Variants in ARHGEF9 observed in about 807,000 individuals in gnomAD.
ARHGEF9 encodes Cdc42 guanine nucleotide exchange factor 9, also known as rho guanine nucleotide exchange factor 9.
ARHGEF9 carries 2 observed loss-of-function variants against 41.3 expected under a neutral mutation model. That is an observed-to-expected ratio of 0.05 (90% CI 0.02 to 0.15). The LOEUF is 0.15. Among genes scored for constraint, ARHGEF9 ranks in the 10% least tolerant of loss-of-function variants. The pLI, the probability that ARHGEF9 is intolerant of heterozygous loss-of-function variation, is 1.00. For missense variants in ARHGEF9, 225 were observed against 424.7 expected, an observed-to-expected ratio of 0.53 and a Z score of 4.13; for synonymous variants, 160 against 154.4, an observed-to-expected ratio of 1.04 and a Z score of -0.27.
chrX:63,764,045 A>C (rs2056076570), intron 1 of ARHGEF9, among the ~76,000 whole-genome samples: 1 of 112,046 alleles, frequency 8.9e-6, no homozygotes. Flanking sequence ...TACAGAATGG[A>C]GGAACATTGT....
chrX:63,685,745 C>A (rs1318551164), intron 4 of ARHGEF9, among the ~76,000 whole-genome samples: 4 of 111,799 alleles, frequency 3.6e-5, no homozygotes, highest in Admixed American at 1.9e-4. Flanking sequence ...AATATCCATA[C>A]AGAAACCAAT....
intron 8 of ARHGEF9, among the ~76,000 whole-genome samples, chrX:63,645,734 G>T (rs1322631868): frequency 2.7e-5 from 3 of 111,856 alleles, no homozygotes. Context: ...AACCCTTTGG[G>T]TATATACCCA....
intron 5 of ARHGEF9, among the ~76,000 whole-genome samples, chrX:63,674,851 A>C (rs1418326830): frequency 9.0e-6 from 1 of 111,378 alleles, no homozygotes; most frequent in African/African-American, 3.3e-5. Flanking sequence ...GCTTGTAGTT[A>C]GAAAAGAAGT....
At chrX:63,646,827 G>A (rs1209526117) in intron 8 of ARHGEF9, among the ~76,000 whole-genome samples, 1 of 109,894 alleles carries the variant, frequency 9.1e-6, no homozygotes, top group African/African-American at 3.3e-5. Context: ...GGGCAGTATG[G>A]CCATTTTCAC....
At chrX:63,748,729 T>C (rs1344374908) in intron 1 of ARHGEF9, among the ~76,000 whole-genome samples, 1 of 111,886 alleles carries the variant, frequency 8.9e-6, no homozygotes, top group Non-Finnish European at 1.9e-5. Context: ...TCAGAATCTT[T>C]CAGATAGGGG....
chrX:63,744,821 T>G (rs1556431639), intron 1 of ARHGEF9, among the ~76,000 whole-genome samples: 1 of 112,313 alleles, frequency 8.9e-6, no homozygotes, highest in Non-Finnish European at 1.9e-5. Context: ...TTCAGCTGGT[T>G]GCATGCTCCA....
intron 1 of ARHGEF9, chrX:63,755,049 C>T (rs1556445484): frequency 2.1e-6 from 2 of 939,035 alleles, no homozygotes; most frequent in Non-Finnish European, 1.3e-6. Context: ...TGCTCGCTCT[C>T]TTCGCTGGGC....
chrX:63,720,038 G>T (rs1556412683), intron 2 of ARHGEF9, among the ~76,000 whole-genome samples: 1 of 111,307 alleles, frequency 9.0e-6, no homozygotes, highest in Non-Finnish European at 1.9e-5. Flanking sequence ...ACTATAACAC[G>T]CATGCCCAGG....
chrX:63,712,897 A>G (rs1464545649), intron 2 of ARHGEF9: 1 of 111,231 alleles, frequency 9.0e-6, no homozygotes, highest in Non-Finnish European at 1.9e-5. Context: ...GCATATTCCA[A>G]TAGACTCACC....
At chrX:63,704,121 G>A (rs1378857308) in intron 3 of ARHGEF9, among the ~76,000 whole-genome samples, 1 of 111,691 alleles carries the variant, frequency 9.0e-6, no homozygotes, top group Non-Finnish European at 1.9e-5. Flanking sequence ...GCCATTGGAA[G>A]GTTCTGAGCA....
At chrX:63,773,255 T>G (rs1345408973) in intron 1 of ARHGEF9, among the ~76,000 whole-genome samples, 3 of 112,296 alleles carry the variant, frequency 2.7e-5, no homozygotes, top group African/African-American at 9.7e-5. Context: ...TAGGACTGTT[T>G]GGTGTTTTCT....
At chrX:63,720,059 T>A (rs1347904780) in intron 2 of ARHGEF9, among the ~76,000 whole-genome samples, 1 of 111,325 alleles carries the variant, frequency 9.0e-6, no homozygotes, top group East Asian at 2.8e-4. Context: ...ACCAGATGCA[T>A]GCTCAGAAAA....
In ARHGEF9 at chrX:63,655,666, A is replaced by G. The variant is rs2048828709; in HGVS notation, c.1149T>C (p.Ile383=). ...IDMDKYEVVD[I]EDGRDDDFNV... is the part of the protein sequence containing the mutation. Reference sequence around the variant, plus strand: ...TGAAGTCATCATCTCTGCCATCCTCAATGTCAACTACCTCATATTTATCCA... The same window carrying G: ...TGAAGTCATCATCTCTGCCATCCTCGATGTCAACTACCTCATATTTATCCA... The change falls in exon 8 of 10, where the codon ATT becomes ATC. Residue 383 remains isoleucine (I), a synonymous_variant. Transcript: ENST00000671741. 1 of 1,210,700 alleles carries G rather than the reference A, an allele frequency of 8.3e-7. No homozygotes were observed. The highest frequency in any genetic ancestry group is 1.1e-6 in the Non-Finnish European group (1 of 895,062).
chrX:63,648,438 C>T (rs1426974532), intron 8 of ARHGEF9, among the ~76,000 whole-genome samples: 1 of 111,407 alleles, frequency 9.0e-6, no homozygotes, highest in Non-Finnish European at 1.9e-5. Context: ...CCTAAAAGAG[C>T]TCCTGAAGGA....
intron 1 of ARHGEF9, among the ~76,000 whole-genome samples, chrX:63,763,631 G>A (rs782106842): frequency 5.4e-5 from 6 of 110,595 alleles, no homozygotes; most frequent in African/African-American, 1.6e-4. Flanking sequence ...TAATGTCATC[G>A]AGCCTCACTT....
At position 63,674,095 on chromosome X, in the gene ARHGEF9, T is replaced by C; in HGVS notation, c.888A>G (p.Arg296=). The stretch of plus-strand genomic sequence containing the variant: ...CAATCTTGTCAATATTCTCTAAACG[T>C]CGCTTGCGTTCGTTGATCTGCTGAG... ...NVTQQINERK[R]RLENIDKIAQ... Residue 296 remains arginine (R), a synonymous_variant, in exon 6 of 10, where the codon CGA becomes CGG. Coordinates refer to ENST00000671741, the MANE Select transcript of ARHGEF9 (RefSeq NM_001353921.2). The C allele has an allele frequency of 8.3e-7, 1 of 1,210,688 alleles. No homozygotes were observed. Among genetic ancestry groups the C allele is most frequent in the Non-Finnish European group, 1.1e-6 (1 of 894,866 alleles).
At chrX:63,718,771 C>T (rs1464434570) in intron 2 of ARHGEF9, among the ~76,000 whole-genome samples, 1 of 112,041 alleles carries the variant, frequency 8.9e-6, no homozygotes, top group Non-Finnish European at 1.9e-5. Context: ...GCTTGGTTTA[C>T]AGATGCTGGC....
chrX:63,743,350 T>G (rs1556429105), intron 1 of ARHGEF9: 2 of 112,894 alleles, frequency 1.8e-5, no homozygotes. Context: ...CACCACTGAC[T>G]TTAAGATGCA....
At chrX:63,716,716 A>T (rs782788945) in intron 2 of ARHGEF9, among the ~76,000 whole-genome samples, 92 of 111,710 alleles carry the variant, frequency 8.2e-4, no homozygotes, top group African/African-American at 2.9e-3. Flanking sequence ...TCATGACAAC[A>T]AACCACCCTC....
Sources: gnomAD v4.1 joint callset for allele counts (sites outside exome capture counted in the v4.1 genomes callset) on GRCh38, gnomAD v4.1.1 for gene constraint, MANE v1.5 for transcripts, NCBI Gene and HGNC (gene_info 2026-07-23, HGNC 2026-07-21) for gene names.